OLFML2B: variants seen among roughly 807,000 people sequenced by gnomAD.
The protein encoded by OLFML2B is olfactomedin-like protein 2B.
OLFML2B carries 57 observed loss-of-function variants against 74.9 expected under a neutral mutation model. The ratio of observed to expected loss-of-function variants is 0.76; its 90% CI spans 0.61 to 0.95. OLFML2B has a LOEUF of 0.95. Among genes scored for constraint, OLFML2B ranks in the 40% least tolerant of loss-of-function variants. OLFML2B has a pLI of 0.00. For missense variants in OLFML2B, 986 were observed against 970.6 expected, an observed-to-expected ratio of 1.02 and a Z score of -0.21; for synonymous variants, 388 against 405.8, an observed-to-expected ratio of 0.96 and a Z score of 0.53.
chr1:161,984,255 T>C lies in OLFML2B; in HGVS notation c.1673A>G (p.Lys558Arg), dbSNP rs770979485. 2.0e-6 allele frequency: 3 copies of C among 1,520,770 alleles called. No individual in the cohort carries two copies. 94.2% of individuals were successfully genotyped at this position (1,520,770 alleles called of 1,614,324 possible). A position where few individuals can be genotyped will look rare whatever the true frequency, so the allele number is the denominator to read the frequency against. ...TGTGCCGATCCAGCTGTACGGGAGC[T>C]TGTAGGAATTGCTCCAGCGACCTGC... The part of the protein sequence containing the change: ...FKQGRWSNSY[K>R]LPYSWIGTGH... Residue 558 changes from lysine (K) to arginine (R), a missense_variant, in exon 8 of 8, where the codon AAG becomes AGG. Physicochemically the swap from Lys to Arg is conservative, Grantham distance 26. Coordinates refer to ENST00000294794, the MANE Select transcript of OLFML2B (RefSeq NM_015441.3).
chr1:161,984,712 C>T (rs1238184511), intron 7 of OLFML2B, 92 bp downstream of exon 7: 1 of 1,324,790 alleles, frequency 7.5e-7, no homozygotes, highest in Non-Finnish European at 1.1e-6. Context: ...TCCTTCCTAT[C>T]CGTCATTACC....
chr1:161,999,386 C>CA (rs67455805), intron 5 of OLFML2B, among the ~76,000 whole-genome samples: 2,077 of 151,492 alleles, frequency 0.014, 42 homozygotes, highest in African/African-American at 0.047. Context: ...AAAAAATGAC[C>CA]AAAAAAAACA....
chr1:162,000,122 C>T lies in OLFML2B; in HGVS notation c.940G>A (p.Glu314Lys). The T allele has an allele frequency of 6.3e-7, 1 of 1,595,262 alleles. No homozygotes were observed. Among genetic ancestry groups the T allele is most frequent in the East Asian group, 2.2e-5 (1 of 44,484 alleles). ...AKVSEEENDI[E>K]EQQDEFFSGD... The stretch of plus-strand genomic sequence containing the variant: ...GTTGACCCCAACTCACGCTGCTCTT[C>T]AATGTCATTCTCTTCTTCAGAGACC... The change falls in exon 5 of 8, where the codon GAA becomes AAA. Residue 314 changes from glutamate (E) to lysine (K), a missense_variant. Physicochemically the swap from Glu to Lys is moderately conservative, Grantham distance 56. Coordinates refer to ENST00000294794, the MANE Select transcript of OLFML2B (RefSeq NM_015441.3).
Position 162,006,318 on chromosome 1 carries a change from T to G in OLFML2B, c.702A>C (p.Ala234=). The G allele has an allele frequency of 1.3e-6, 2 of 1,599,924 alleles. No individual in the cohort carries two copies. Among genetic ancestry groups the G allele is most frequent in the Non-Finnish European group, 1.7e-6 (2 of 1,175,126 alleles). ...ATACCTCTGGGTGGGCGTAGGCTGCTGCTGCATCCCTCTGCAGGGCTGAGC... is the reference window on the plus strand; with the variant it reads ...ATACCTCTGGGTGGGCGTAGGCTGCGGCTGCATCCCTCTGCAGGGCTGAGC... ...DIRSALQRDA[A]AAYAHPEYEE... is the part of the protein sequence containing the mutation. Residue 234 remains alanine, a synonymous_variant, in exon 4 of 8, where the codon GCA becomes GCC. Coordinates refer to ENST00000294794, the MANE Select transcript of OLFML2B (RefSeq NM_015441.3).
intron 3 of OLFML2B, among the ~76,000 whole-genome samples, chr1:162,015,845 G>A (rs1311904710): frequency 6.6e-6 from 1 of 152,150 alleles, no homozygotes; most frequent in Admixed American, 6.5e-5. Context: ...GGCAGACAGC[G>A]AGGAGGAGGC....
rs1377133407 is a variant in OLFML2B, at chr1:162,020,191, A to G, written c.175-9T>C. The G allele has an allele frequency of 1.2e-6, 2 of 1,613,596 alleles. No homozygotes were observed. Among genetic ancestry groups the G allele is most frequent in the South Asian group, 1.1e-5 (1 of 91,072 alleles). On this transcript the variant is annotated splice_polypyrimidine_tract_variant and intron_variant, in intron 1 of 7. Transcript: ENST00000294794. ...TCATAGTCCCCCAGCAACTAGACAC[A>G]CAGAAAACGGGTTAGGGGCATGCAA... is the stretch of plus-strand genomic sequence containing the variant.
intron 6 of OLFML2B, among the ~76,000 whole-genome samples, chr1:161,989,364 G>A (rs1558053872): frequency 6.6e-6 from 1 of 152,212 alleles, no homozygotes; most frequent in South Asian, 2.1e-4. Flanking sequence ...GAGTCAGGCT[G>A]AGTGTGAGAC....
At chr1:161,985,587 G>A (rs749265493) in intron 6 of OLFML2B, among the ~76,000 whole-genome samples, 6 of 152,208 alleles carry the variant, frequency 3.9e-5, no homozygotes, top group Non-Finnish European at 7.3e-5. Context: ...CCTCTGCTGG[G>A]TGTAACCAGG....
At chr1:162,006,012 G>T (rs1318948181) in intron 4 of OLFML2B, among the ~76,000 whole-genome samples, 1 of 150,908 alleles carries the variant, frequency 6.6e-6, no homozygotes, top group Non-Finnish European at 1.5e-5. Context: ...CACAAGAGAT[G>T]TTCACAAAGG....
chr1:161,984,856 ATAGT>A lies in OLFML2B; in HGVS notation c.1595_1598del (p.Asn532IlefsTer8), dbSNP rs775606904. 17 of 1,612,586 alleles carry A rather than the reference ATAGT, an allele frequency of 1.1e-5. No homozygotes were observed. Among genetic ancestry groups the A allele is most frequent in the Non-Finnish European group, 1.4e-5 (17 of 1,179,840 alleles). The stretch of plus-strand genomic sequence containing the variant: ...ACTCTACCAGGGTGTTGCCGTAGTA[ATAGT>A]TGGTTACGTAAATCCGCTCATCCTT... On this transcript the variant is annotated frameshift_variant, in exon 7 of 8. Transcript: ENST00000294794. LOFTEE classifies it high-confidence loss of function.
chr1:161,984,420 A>ACATCACTCAACCTGTCCGTGCCT, intron 7 of OLFML2B, 144 bp from the exon 8 acceptor site: 1 of 1,066,032 alleles, frequency 9.4e-7, no homozygotes, highest in South Asian at 1.8e-5. Flanking sequence ...ATCCTGTAGC[A>ACATCACTCAACCTGTCCGTGCCT]CATCACTCAA....
chr1:161,985,981 T>C (rs1490822063), intron 6 of OLFML2B, among the ~76,000 whole-genome samples: 3 of 152,196 alleles, frequency 2.0e-5, no homozygotes, highest in African/African-American at 4.8e-5. Context: ...AGTATTATTA[T>C]TGAGCATAGC....
At chr1:161,992,242 T>C (rs1452657157) in intron 6 of OLFML2B, among the ~76,000 whole-genome samples, 1 of 152,260 alleles carries the variant, frequency 6.6e-6, no homozygotes, top group Non-Finnish European at 1.5e-5. Context: ...CAGACTTTTT[T>C]CTGCAGCTTC....
intron 6 of OLFML2B, among the ~76,000 whole-genome samples, chr1:161,996,745 G>A (rs1689916366): frequency 6.6e-6 from 1 of 152,054 alleles, no homozygotes; most frequent in Admixed American, 6.5e-5. Context: ...TCACTGCTCT[G>A]CGTTCTCTTG....
intron 4 of OLFML2B, among the ~76,000 whole-genome samples, chr1:162,002,760 G>A (rs1275310328): frequency 6.6e-6 from 1 of 152,202 alleles, no homozygotes; most frequent in Admixed American, 6.5e-5. Context: ...AGGGGAAACA[G>A]GCCGACATGC....
chr1:161,999,750 G>A (rs1315482726), intron 5 of OLFML2B, among the ~76,000 whole-genome samples: 1 of 152,234 alleles, frequency 6.6e-6, no homozygotes, highest in African/African-American at 2.4e-5. Context: ...AGGGCCCCCG[G>A]AGGGAGGAGC....
chr1:162,008,555 A>G (rs1359249464), intron 3 of OLFML2B, among the ~76,000 whole-genome samples: 4 of 152,264 alleles, frequency 2.6e-5, no homozygotes, highest in Non-Finnish European at 4.4e-5. Context: ...GTTTGGGTTC[A>G]GGATACATGA....
chr1:161,987,762 A>G (rs909141946), intron 6 of OLFML2B, among the ~76,000 whole-genome samples: 1 of 152,240 alleles, frequency 6.6e-6, no homozygotes. Context: ...TTATTTCTGC[A>G]GGAAGAGGGG....
intron 4 of OLFML2B, among the ~76,000 whole-genome samples, chr1:162,005,135 T>C (rs998748859): frequency 6.6e-6 from 1 of 152,228 alleles, no homozygotes; most frequent in Non-Finnish European, 1.5e-5. Context: ...GGACAACAAT[T>C]CAGTAAATAA....
Sources: allele counts gnomAD v4.1 joint callset (sites outside exome capture counted in the v4.1 genomes callset), GRCh38; gene constraint gnomAD v4.1.1; transcripts MANE v1.5; gene names NCBI Gene and HGNC (gene_info 2026-07-23, HGNC 2026-07-21).